The following ANK3 variants were observed in gnomAD, a reference collection of about 807,000 sequenced individuals.
The protein encoded by ANK3 is ankyrin 3.
In ANK3, 57 loss-of-function variants were observed where a neutral mutation model predicts 370.9. The ratio of observed to expected loss-of-function variants is 0.15; its 90% CI spans 0.12 to 0.19. ANK3 has a LOEUF of 0.19. Among genes scored for constraint, ANK3 ranks in the 10% least tolerant of loss-of-function variants. The probability of loss-of-function intolerance (pLI) is 1.00; values close to 1 mark genes in which losing one functional copy is unlikely to be tolerated. For missense variants in ANK3, 4,439 were observed against 5,302.1 expected (o/e 0.84, Z 5.06); for synonymous variants, 1,929 against 1,946.3 (o/e 0.99, Z 0.23).
intron 23 of ANK3, among the ~76,000 whole-genome samples, chr10:60,162,485 G>T (rs940402763): frequency 1.3e-5 from 2 of 152,108 alleles, no homozygotes; most frequent in Non-Finnish European, 1.5e-5. Context: ...CTTTGAAATC[G>T]GTGGATTTTA....
rs577634770 is a variant in ANK3, at chr10:60,193,801, T to C, written c.1887+2344A>G. Reference sequence around the variant, plus strand: ...TTACTAATTATTTACTTGTTATCTATGAAGGACTTGGGGTTATTTATACAT... The same window carrying C: ...TTACTAATTATTTACTTGTTATCTACGAAGGACTTGGGGTTATTTATACAT... On this transcript the variant is annotated intron_variant, in intron 16 of 43. Transcript: ENST00000280772. 2.9e-4 allele frequency among the ~76,000 whole-genome samples: 44 copies of C among 152,244 alleles called. No individual in the cohort carries two copies. In the South Asian group the frequency reaches 8.1e-3, roughly 28 times the overall value.
chr10:60,660,918 TCA>T (rs140134322), intron 1 of ANK3, among the ~76,000 whole-genome samples: 1 of 148,846 alleles, frequency 6.7e-6, no homozygotes, highest in Non-Finnish European at 1.5e-5. Context: ...AAATACACAC[TCA>T]CACACACACA....
intron 7 of ANK3, among the ~76,000 whole-genome samples, chr10:60,249,532 G>A (rs2097612344): frequency 6.6e-6 from 1 of 152,160 alleles, no homozygotes; most frequent in African/African-American, 2.4e-5. Flanking sequence ...CAGTTAACTT[G>A]AAATTCTTAG....
At position 60,074,951 on chromosome 10, in the gene ANK3, G is replaced by C. The variant is rs765154700; in HGVS notation, c.5930C>G (p.Pro1977Arg). Residue 1977 changes from proline to arginine, a missense_variant, in exon 37 of 44, where the codon CCA (proline) becomes CGA (arginine). By Grantham distance (103) the Pro-to-Arg change is moderately radical. Coordinates refer to ENST00000280772, the MANE Select transcript of ANK3 (RefSeq NM_020987.5). The stretch of plus-strand genomic sequence containing the variant: ...AGGAGAGTGTCCTTTGTCACTCTTT[G>C]GTGATTTGGGTGATCCTTTATTATC... ...CVDNKGSPKS[P>R]KSDKGHSPED... 3.1e-6 allele frequency: 5 copies of C among 1,613,472 alleles called. No homozygotes were observed. The Admixed American group carries it at 8.3e-5, about 27-fold the overall frequency.
intron 28 of ANK3, among the ~76,000 whole-genome samples, chr10:60,093,719 A>T (rs2089333712): frequency 6.6e-6 from 1 of 152,208 alleles, no homozygotes; most frequent in South Asian, 2.1e-4. Flanking sequence ...GTCACCTTTG[A>T]TAAGGCATTA....
chr10:60,663,087 C>A (rs1360612775), intron 1 of ANK3, among the ~76,000 whole-genome samples: 1 of 152,114 alleles, frequency 6.6e-6, no homozygotes, highest in African/African-American at 2.4e-5. Context: ...CAAAATCAGT[C>A]CCCCAAAATG....
At chr10:60,096,359 A>G (rs1447729210) in intron 28 of ANK3, among the ~76,000 whole-genome samples, 1 of 152,186 alleles carries the variant, frequency 6.6e-6, no homozygotes, top group Non-Finnish European at 1.5e-5. Context: ...AAGCAGCAAT[A>G]TATTACCAAG....
At chr10:60,140,875 T>A in intron 23 of ANK3, 1 of 986,882 alleles carries the variant, frequency 1.0e-6, no homozygotes, top group Non-Finnish European at 1.2e-6. Flanking sequence ...GTGCTACATT[T>A]AATTAGGAGG....
At chr10:60,041,671 G>A (rs547581742) in intron 43 of ANK3, among the ~76,000 whole-genome samples, 9 of 152,280 alleles carry the variant, frequency 5.9e-5, no homozygotes, top group African/African-American at 2.2e-4. Context: ...CCATTAAATG[G>A]TCATGTGAGA....
At chr10:60,053,781 G>A (rs1451868914) in intron 42 of ANK3, 2 of 1,279,108 alleles carry the variant, frequency 1.6e-6, no homozygotes, top group African/African-American at 3.1e-5. Context: ...TACATCAGAT[G>A]ACCTAGTTGG....
chr10:60,352,908 GA>G (rs1352836311), intron 1 of ANK3, among the ~76,000 whole-genome samples: 1 of 151,898 alleles, frequency 6.6e-6, no homozygotes, highest in Non-Finnish European at 1.5e-5. Context: ...GAGAGGGAGG[GA>G]AAAAAGAGGC....
At chr10:60,169,982 T>C (rs1235390694) in intron 21 of ANK3, among the ~76,000 whole-genome samples, 2 of 152,216 alleles carry the variant, frequency 1.3e-5, no homozygotes, top group Non-Finnish European at 2.9e-5. Context: ...ATCTTATATA[T>C]TTACTGTGCT....
At chr10:60,395,495 G>A (rs1430548815) in intron 2 of ANK3, among the ~76,000 whole-genome samples, 2 of 152,106 alleles carry the variant, frequency 1.3e-5, no homozygotes, top group African/African-American at 4.8e-5. Context: ...TTGTCTTCCT[G>A]AAGGCAGGTG....
At chr10:60,553,519 T>C (rs894129497) in intron 2 of ANK3, among the ~76,000 whole-genome samples, 12 of 152,166 alleles carry the variant, frequency 7.9e-5, no homozygotes, top group Non-Finnish European at 1.6e-4. Flanking sequence ...TACCTCCATT[T>C]ATAGCACCTG....
intron 8 of ANK3, among the ~76,000 whole-genome samples, chr10:60,217,556 GT>G (rs1406682801): frequency 1.3e-5 from 2 of 152,162 alleles, no homozygotes; most frequent in Non-Finnish European, 2.9e-5. Flanking sequence ...CAATTTCCAT[GT>G]AATTGTGTAG....
At chr10:60,316,070 C>CA (rs1407700197) in intron 1 of ANK3, among the ~76,000 whole-genome samples, 15 of 152,036 alleles carry the variant, frequency 9.9e-5, no homozygotes, top group Non-Finnish European at 1.5e-4. Context: ...AAAAACCTGC[C>CA]AAAATCAAGG....
At chr10:60,624,035 A>T (rs551865348) in intron 1 of ANK3, among the ~76,000 whole-genome samples, 2 of 152,224 alleles carry the variant, frequency 1.3e-5, no homozygotes, top group Admixed American at 6.5e-5. Context: ...AAGGGAACAG[A>T]CACTGAGGCC....
chr10:60,345,159 T>C (rs4615975), intron 1 of ANK3, among the ~76,000 whole-genome samples: 105,891 of 151,840 alleles, frequency 0.7, 38,199 homozygotes, highest in South Asian at 0.91. Flanking sequence ...ACTAGATTCA[T>C]GGTGCTATTT....
rs138629868 is a variant in ANK3, at chr10:60,466,300, G to A, written c.96+148886C>T. 4.0e-4 allele frequency among the ~76,000 whole-genome samples: 61 copies of A among 152,202 alleles called. No individual in the cohort carries two copies. In the Middle Eastern group the frequency reaches 0.017, roughly 42 times the overall value. On this transcript the variant is annotated intron_variant, in intron 2 of 43. Transcript: ENST00000373827. The stretch of plus-strand genomic sequence containing the variant: ...CCTGTGGCTCAAGATTTTGGATCAG[G>A]ATAAGAGGTGTTTCTAATAATGACA...
Sources: allele counts gnomAD v4.1 joint callset (sites outside exome capture counted in the v4.1 genomes callset), GRCh38; gene constraint gnomAD v4.1.1; transcripts MANE v1.5; gene names NCBI Gene and HGNC (gene_info 2026-07-23, HGNC 2026-07-21).